Variants in MTUS2 observed in about 807,000 individuals in gnomAD.
The protein encoded by MTUS2 is microtubule-associated tumor suppressor candidate 2.
In MTUS2, 40 loss-of-function variants were observed where a neutral mutation model predicts 114.1. The ratio of observed to expected loss-of-function variants is 0.35; its 90% CI spans 0.27 to 0.46. The LOEUF is 0.46. Ranked by LOEUF, MTUS2 falls within the 20% of genes least tolerant of loss-of-function variation. The pLI, the probability that MTUS2 is intolerant of heterozygous loss-of-function variation, is 1.00. For synonymous variants in MTUS2, 688 were observed against 672.0 expected (o/e 1.02, Z -0.37); for missense variants, 1,679 against 1,705.4 (o/e 0.98, Z 0.27).
intron 7 of MTUS2, among the ~76,000 whole-genome samples, chr13:29,354,802 C>T (rs1235142534): frequency 6.6e-6 from 1 of 152,168 alleles, no homozygotes; most frequent in East Asian, 1.9e-4. Flanking sequence ...AATAGTGGGC[C>T]ACTGGGCAAA....
intron 4 of MTUS2, among the ~76,000 whole-genome samples, chr13:29,093,658 G>A (rs1456631157): frequency 6.6e-6 from 1 of 152,052 alleles, no homozygotes; most frequent in East Asian, 1.9e-4. Context: ...TTTTTTAGTG[G>A]ATTTCTTGGG....
At chr13:28,967,060 C>T (rs1460841226) in intron 2 of MTUS2, among the ~76,000 whole-genome samples, 1 of 152,168 alleles carries the variant, frequency 6.6e-6, no homozygotes, top group East Asian at 1.9e-4. Flanking sequence ...CATTAACTAC[C>T]TCATGAAACT....
intron 5 of MTUS2, among the ~76,000 whole-genome samples, chr13:29,255,099 G>A (rs748128125): frequency 1.6e-4 from 24 of 152,188 alleles, no homozygotes; most frequent in Non-Finnish European, 2.9e-4. Flanking sequence ...CACATGCATC[G>A]GCAGTAAGTA....
At chr13:29,203,994 C>T (rs548594884) in intron 5 of MTUS2, among the ~76,000 whole-genome samples, 6 of 151,538 alleles carry the variant, frequency 4.0e-5, no homozygotes, top group South Asian at 2.1e-4. Context: ...GGGTCTCGCT[C>T]GGTCACCCAG....
chr13:28,848,103 GAT>G (rs149499694), intron 2 of MTUS2, among the ~76,000 whole-genome samples: 51 of 149,372 alleles, frequency 3.4e-4, no homozygotes, highest in Admixed American at 1.8e-3. Context: ...CTAGTTCAGG[GAT>G]ATATATATAT....
At chr13:29,212,896 G>A (rs11619729) in intron 5 of MTUS2, among the ~76,000 whole-genome samples, 22,100 of 152,034 alleles carry the variant, frequency 0.15, 1,832 homozygotes, top group East Asian at 0.31. Flanking sequence ...AATCTCCAGC[G>A]CCAGAGGAAG....
Position 28,921,045 on chromosome 13 carries a change from C to T in MTUS2, c.-243+81195C>T, listed in dbSNP as rs116770876. ...CAGGGGCCTGCTTCATTCCCTACTC[C>T]ACTGCAGCTGAGCTGGTACCTGAGG... On this transcript the variant is annotated intron_variant, in intron 2 of 15. Coordinates refer to ENST00000612955, the MANE Select transcript of MTUS2 (RefSeq NM_001033602.4). Among the ~76,000 whole-genome samples the T allele has an allele frequency of 3.7e-3, 567 of 152,342 alleles. 5 individuals are homozygous for T. Among genetic ancestry groups the T allele is most frequent in the African/African-American group, 0.013 (556 of 41,576 alleles).
chr13:28,880,151 A>G (rs556974157), intron 2 of MTUS2, among the ~76,000 whole-genome samples: 3 of 152,304 alleles, frequency 2.0e-5, no homozygotes, highest in African/African-American at 7.2e-5. Context: ...TGATTTAAGG[A>G]AGAAATCTGT....
chr13:28,822,484 C>T (rs1873971854), intron 1 of MTUS2, among the ~76,000 whole-genome samples: 1 of 152,162 alleles, frequency 6.6e-6, no homozygotes, highest in Non-Finnish European at 1.5e-5. Flanking sequence ...TAATAGAAGA[C>T]TGTTATGCTT....
At chr13:29,126,660 C>G (rs1341691156) in intron 5 of MTUS2, among the ~76,000 whole-genome samples, 1 of 151,838 alleles carries the variant, frequency 6.6e-6, no homozygotes, top group Non-Finnish European at 1.5e-5. Flanking sequence ...AGCTCATCAG[C>G]TGTTGTTAGT....
chr13:28,968,567 C>T (rs1883706605), intron 2 of MTUS2, among the ~76,000 whole-genome samples: 1 of 152,136 alleles, frequency 6.6e-6, no homozygotes, highest in African/African-American at 2.4e-5. Flanking sequence ...CAGGTTAGAA[C>T]TTGGACTGGA....
At chr13:28,844,581 T>TTGTGTG (rs1364137182) in intron 2 of MTUS2, among the ~76,000 whole-genome samples, 5 of 61,050 alleles carry the variant, frequency 8.2e-5, no homozygotes, top group Non-Finnish European at 2.4e-4. Context: ...TCTGCAGCAT[T>TTGTGTG]TGTGTGTGAG....
intron 5 of MTUS2, among the ~76,000 whole-genome samples, chr13:29,246,268 C>G (rs1056490032): frequency 6.6e-6 from 1 of 152,124 alleles, no homozygotes; most frequent in Non-Finnish European, 1.5e-5. Flanking sequence ...GGACAGCAGG[C>G]AAGAACACTA....
At chr13:29,426,343 G>A (rs1207694640) in intron 8 of MTUS2, among the ~76,000 whole-genome samples, 3 of 152,206 alleles carry the variant, frequency 2.0e-5, no homozygotes, top group African/African-American at 7.2e-5. Flanking sequence ...GTTTACGAGG[G>A]ATTTATCCTG....
intron 4 of MTUS2, among the ~76,000 whole-genome samples, chr13:29,082,882 A>G (rs1191020964): frequency 6.6e-6 from 1 of 152,156 alleles, no homozygotes; most frequent in Non-Finnish European, 1.5e-5. Flanking sequence ...TCCAGGAAGC[A>G]TGAGAGGAGG....
At chr13:29,369,903 T>C (rs1334227340) in intron 8 of MTUS2, among the ~76,000 whole-genome samples, 1 of 152,168 alleles carries the variant, frequency 6.6e-6, no homozygotes, top group East Asian at 1.9e-4. Context: ...GAATTCTGTA[T>C]TTATTTTAAA....
chr13:29,051,369 C>T (rs1170738554), intron 4 of MTUS2, among the ~76,000 whole-genome samples: 1 of 152,130 alleles, frequency 6.6e-6, no homozygotes, highest in Non-Finnish European at 1.5e-5. Context: ...TAGGGAGGGA[C>T]TAGGCCTGTG....
intron 5 of MTUS2, among the ~76,000 whole-genome samples, chr13:29,186,313 A>G (rs758768645): frequency 3.9e-5 from 6 of 152,272 alleles, no homozygotes; most frequent in Admixed American, 2.6e-4. Context: ...AAACAGTCCA[A>G]TTAAAAAGGA....
chr13:29,323,250 T>C (rs1402640634), intron 6 of MTUS2, among the ~76,000 whole-genome samples: 1 of 150,818 alleles, frequency 6.6e-6, no homozygotes, highest in East Asian at 1.9e-4. Context: ...ATTTGTATGA[T>C]GTGGCTTTTT....
Sources: gnomAD v4.1 joint callset for allele counts (sites outside exome capture counted in the v4.1 genomes callset) on GRCh38, gnomAD v4.1.1 for gene constraint, MANE v1.5 for transcripts, NCBI Gene and HGNC (gene_info 2026-07-23, HGNC 2026-07-21) for gene names.